Variants in MIEF1 observed in about 807,000 individuals in gnomAD.
The protein encoded by MIEF1 is mitochondrial elongation factor 1, also known as mitochondrial dynamics protein MIEF1.
A neutral mutation model predicts 35.1 loss-of-function variants in MIEF1; 14 were observed. The ratio of observed to expected loss-of-function variants is 0.40; its 90% CI spans 0.26 to 0.62. The LOEUF is 0.62. Among genes scored for constraint, MIEF1 ranks in the 20% least tolerant of loss-of-function variants. The pLI, the probability that MIEF1 is intolerant of heterozygous loss-of-function variation, is 0.43. For missense variants in MIEF1, 542 were observed against 615.4 expected (o/e 0.88, Z 1.26); for synonymous variants, 245 against 254.3 (o/e 0.96, Z 0.35).
chr22:39,509,052 A>C (rs182576548), intron 2 of MIEF1, among the ~76,000 whole-genome samples: 1 of 151,772 alleles, frequency 6.6e-6, no homozygotes, highest in East Asian at 1.9e-4. Flanking sequence ...GCTGGAGTGC[A>C]ATGGTGATTC....
intron 5 of MIEF1, 55 bp from the exon 6 acceptor site, chr22:39,513,462 G>A: frequency 6.5e-7 from 1 of 1,539,568 alleles, no homozygotes; most frequent in Non-Finnish European, 8.9e-7. Flanking sequence ...CTTAGAGGAA[G>A]CATGTCTTTT....
chr22:39,504,371 C>T lies in MIEF1; in HGVS notation c.-171C>T, dbSNP rs1929909872. 2 of 399,014 alleles carry T rather than the reference C, an allele frequency of 5.0e-6. No homozygotes were observed. The highest frequency in any genetic ancestry group is 4.4e-6 in the Non-Finnish European group (1 of 226,092). 24.7% of individuals were successfully genotyped at this position (399,014 alleles called of 1,614,324 possible). A position where few individuals can be genotyped will look rare whatever the true frequency, so the allele number is the denominator to read the frequency against. On this transcript the variant is annotated 5_prime_UTR_variant, in exon 2 of 6. The change creates a new upstream start codon in the 5' untranslated region. Coordinates refer to ENST00000325301, the MANE Select transcript of MIEF1 (RefSeq NM_019008.6). ...TCCGAAAAAATCAGAAGCTAGAGGACGCTGAGGCCCGGGAGAGGCAGCTGG... is the reference window on the plus strand; with the variant it reads ...TCCGAAAAAATCAGAAGCTAGAGGATGCTGAGGCCCGGGAGAGGCAGCTGG...
intron 5 of MIEF1, among the ~76,000 whole-genome samples, chr22:39,513,116 T>TA (rs1361232928): frequency 1.4e-4 from 21 of 151,644 alleles, no homozygotes; most frequent in African/African-American, 5.1e-4. Flanking sequence ...TTTTTTTTTT[T>TA]TTGAGATGGA....
chr22:39,512,218 T>G lies in MIEF1; in HGVS notation c.323-14T>G. On this transcript the variant is annotated splice_polypyrimidine_tract_variant and intron_variant, in intron 4 of 5. Transcript: ENST00000325301. ...TGGGCAGAGCTCACGTGCCTCTCTC[T>G]CTTGCCTTGGCAGATACATTCTGCC... is the stretch of plus-strand genomic sequence containing the variant. 2 of 1,609,516 alleles carry G rather than the reference T, an allele frequency of 1.2e-6. No homozygotes were observed. Among genetic ancestry groups the G allele is most frequent in the Non-Finnish European group, 1.7e-6 (2 of 1,179,270 alleles).
Position 39,513,740 on chromosome 22 carries a change from T to C in MIEF1, c.809T>C (p.Val270Ala). The change falls in exon 6 of 6, where the codon GTG becomes GCG. Residue 270 changes from valine (V) to alanine (A), a missense_variant. By Grantham distance (64) the Val-to-Ala change is moderately conservative. Coordinates refer to ENST00000325301, the MANE Select transcript of MIEF1 (RefSeq NM_019008.6). ...GTCGCAGATACATTTGAGAAGGTAG[T>C]GGCTGGCTCCATCAATTGGCCAGCC... ...KTVADTFEKV[V>A]AGSINWPAIG... 6.2e-7 allele frequency: 1 copy of C among 1,613,802 alleles called. No homozygotes were observed. Among genetic ancestry groups the C allele is most frequent in the South Asian group, 1.1e-5 (1 of 91,082 alleles).
intron 2 of MIEF1, among the ~76,000 whole-genome samples, chr22:39,507,474 T>G: frequency 6.6e-6 from 1 of 151,806 alleles, no homozygotes; most frequent in Non-Finnish European, 1.5e-5. Context: ...CTCGATCTCC[T>G]GACCTCGTGA....
chr22:39,517,595 G>A lies in MIEF1; in HGVS notation c.*3272G>A, dbSNP rs1220563515. On this transcript the variant is annotated 3_prime_UTR_variant, in exon 6 of 6. Transcript: ENST00000325301. Reference sequence around the variant, plus strand: ...ATACAGACTACTGCGAGTGTCCAGAGCTCTCTGCCATGATACTTCCTTGGG... The same window carrying A: ...ATACAGACTACTGCGAGTGTCCAGAACTCTCTGCCATGATACTTCCTTGGG... The A allele has an allele frequency of 2.1e-6, 1 of 471,100 alleles. No homozygotes were observed. The allele number at this position is 471,100 out of a possible 1,614,324, so 29.2% of individuals were successfully genotyped here. A position where few individuals can be genotyped will look rare whatever the true frequency, so the allele number is the denominator to read the frequency against.
intron 2 of MIEF1, among the ~76,000 whole-genome samples, chr22:39,507,864 C>CA (rs933184712): frequency 1.1e-4 from 16 of 148,976 alleles, no homozygotes; most frequent in South Asian, 2.1e-4. Context: ...TACTCAGTCT[C>CA]AAAAAAAAAG....
Position 39,517,287 on chromosome 22 carries a change from T to A in MIEF1, c.*2964T>A. 1 of 219,190 alleles carries A rather than the reference T, an allele frequency of 4.6e-6. No homozygotes were observed. Among genetic ancestry groups the A allele is most frequent in the Non-Finnish European group, 9.5e-6 (1 of 105,690 alleles). 13.6% of individuals were successfully genotyped at this position (219,190 alleles called of 1,614,324 possible). ...ATTCCAGAGTTTATTTTGGTTCTCCTCTGTTGCCCTTCCTAAAAAATGAGC... is the reference window on the plus strand; with the variant it reads ...ATTCCAGAGTTTATTTTGGTTCTCCACTGTTGCCCTTCCTAAAAAATGAGC... On this transcript the variant is annotated 3_prime_UTR_variant, in exon 6 of 6. Coordinates refer to ENST00000325301, the MANE Select transcript of MIEF1 (RefSeq NM_019008.6).
chr22:39,513,467 T>C, intron 5 of MIEF1, 50 bp from the exon 6 acceptor site: 1 of 1,554,422 alleles, frequency 6.4e-7, no homozygotes, highest in Non-Finnish European at 8.8e-7. Context: ...AGGAAGCATG[T>C]CTTTTGAACA....
intron 2 of MIEF1, among the ~76,000 whole-genome samples, chr22:39,506,170 A>G (rs889869580): frequency 6.6e-6 from 1 of 152,118 alleles, no homozygotes; most frequent in African/African-American, 2.4e-5. Context: ...TACCCCCTCA[A>G]AAAAACCAAG....
At chr22:39,513,291 A>T (rs954475328) in intron 5 of MIEF1, among the ~76,000 whole-genome samples, 5 of 151,884 alleles carry the variant, frequency 3.3e-5, no homozygotes, top group Admixed American at 2.6e-4. Flanking sequence ...TTAGTAGGGG[A>T]TGGGGTTTCA....
Position 39,517,342 on chromosome 22 carries a change from T to C in MIEF1, c.*3019T>C, listed in dbSNP as rs1930726951. On this transcript the variant is annotated 3_prime_UTR_variant, in exon 6 of 6. Coordinates refer to ENST00000325301, the MANE Select transcript of MIEF1 (RefSeq NM_019008.6). Reference sequence around the variant, plus strand: ...GATGACAGTATTTTTCTTTACATGCTTGGTTATGACTTTTAAAGTTTTATT... The same window carrying C: ...GATGACAGTATTTTTCTTTACATGCCTGGTTATGACTTTTAAAGTTTTATT... The C allele has an allele frequency of 1.2e-5, 3 of 251,176 alleles. No individual in the cohort carries two copies. Among genetic ancestry groups the C allele is most frequent in the Non-Finnish European group, 2.5e-5 (3 of 121,964 alleles). 15.6% of individuals were successfully genotyped at this position (251,176 alleles called of 1,614,324 possible). A position where few individuals can be genotyped will look rare whatever the true frequency, so the allele number is the denominator to read the frequency against.
At position 39,517,713 on chromosome 22, in the gene MIEF1, T is replaced by G. The variant is rs1930751551; in HGVS notation, c.*3390T>G. ...AAGGCCAAGGAGAATGATAGGAGAC[T>G]TAGGACAGAGCTGACCCTTGCACCA... is the stretch of plus-strand genomic sequence containing the variant. On this transcript the variant is annotated 3_prime_UTR_variant, in exon 6 of 6. Coordinates refer to ENST00000325301, the MANE Select transcript of MIEF1 (RefSeq NM_019008.6). 1 of 450,684 alleles carries G rather than the reference T, an allele frequency of 2.2e-6. No homozygotes were observed. The highest frequency in any genetic ancestry group is 1.6e-5 in the South Asian group (1 of 61,260). 27.9% of individuals were successfully genotyped at this position (450,684 alleles called of 1,614,324 possible). A position where few individuals can be genotyped will look rare whatever the true frequency, so the allele number is the denominator to read the frequency against.
At chr22:39,511,494 TAATGTTTTATAGAAAGAA>T (rs1418154207) in intron 3 of MIEF1, 56 bp downstream of exon 3, 1 of 1,474,406 alleles carries the variant, frequency 6.8e-7, no homozygotes, top group East Asian at 2.5e-5. Context: ...TCATAAGATG[TAATGTTTTATAGAAAGAA>T]AATGTCGAAG....
At chr22:39,502,557 C>G (rs1328291149) in intron 1 of MIEF1, 120 bp downstream of exon 1, 1 of 152,250 alleles carries the variant, frequency 6.6e-6, no homozygotes, top group Non-Finnish European at 1.5e-5. Flanking sequence ...CAGCATGCAG[C>G]CGGGGGTCTC....
chr22:39,509,366 A>G, intron 2 of MIEF1: 1 of 152,378 alleles, frequency 6.6e-6, no homozygotes, highest in East Asian at 1.9e-4. Flanking sequence ...GGAGAGTGGC[A>G]GCATGCTGAG....
chr22:39,515,495 T>G lies in MIEF1; in HGVS notation c.*1172T>G. The G allele has an allele frequency of 3.2e-6, 2 of 625,410 alleles. No individual in the cohort carries two copies. Among genetic ancestry groups the G allele is most frequent in the Non-Finnish European group, 5.8e-6 (2 of 345,032 alleles). 38.7% of individuals were successfully genotyped at this position (625,410 alleles called of 1,614,324 possible). A position where few individuals can be genotyped will look rare whatever the true frequency, so the allele number is the denominator to read the frequency against. On this transcript the variant is annotated 3_prime_UTR_variant, in exon 6 of 6. Transcript: ENST00000325301. Reference sequence around the variant, plus strand: ...GGCACGGCCAGAGGGCAAGTGAGCATGCACGGACCTCTTCCCCCTGTCCTG... The same window carrying G: ...GGCACGGCCAGAGGGCAAGTGAGCAGGCACGGACCTCTTCCCCCTGTCCTG...
At chr22:39,507,724 G>A (rs62230592) in intron 2 of MIEF1, among the ~76,000 whole-genome samples, 2 of 151,800 alleles carry the variant, frequency 1.3e-5, no homozygotes, top group African/African-American at 4.8e-5. Context: ...AATTAGCAGG[G>A]TGTGGTGGCT....
Sources: gnomAD v4.1 joint callset for allele counts (sites outside exome capture counted in the v4.1 genomes callset) on GRCh38, gnomAD v4.1.1 for gene constraint, MANE v1.5 for transcripts, NCBI Gene and HGNC (gene_info 2026-07-23, HGNC 2026-07-21) for gene names.